ABCA4: variants seen among roughly 807,000 people sequenced by gnomAD.
ABCA4 encodes the protein ATP binding cassette subfamily A member 4.
ABCA4 carries 196 observed loss-of-function variants against 263.7 expected under a neutral mutation model. The ratio of observed to expected loss-of-function variants is 0.74; its 90% confidence interval spans 0.66 to 0.84. The LOEUF (loss-of-function observed/expected upper bound fraction) is 0.84, where lower values mean the gene tolerates loss of function less well. ABCA4 is among the 40% of genes least tolerant of loss of function. The pLI is 0.00. For synonymous variants in ABCA4, 1,133 were observed against 1,094.2 expected (o/e 1.04, Z -0.70); for missense variants, 2,792 against 2,855.1 (o/e 0.98, Z 0.50).
At chr1:94,011,536 G>T (rs1659548336) in intron 38 of ABCA4, 151 bp from the exon 39 acceptor site, 3 of 1,291,514 alleles carry the variant, frequency 2.3e-6, no homozygotes, top group Admixed American at 1.8e-5. Flanking sequence ...GGAGGGATTT[G>T]TCCAGCAGAG....
intron 4 of ABCA4, among the ~76,000 whole-genome samples, chr1:94,104,461 C>T (rs917355779): frequency 1.3e-5 from 2 of 152,338 alleles, no homozygotes; most frequent in Middle Eastern, 3.4e-3. Context: ...AAGAGGCCTG[C>T]CCCTGTGTGC....
At chr1:94,116,968 C>G (rs201011120) in intron 1 of ABCA4, among the ~76,000 whole-genome samples, 1,293 of 100,024 alleles carry the variant, frequency 0.013, 30 homozygotes, top group East Asian at 0.041. Flanking sequence ...TTCTTTCTTT[C>G]TCTTTCTTTC....
rs758705900 is a variant in ABCA4 at position 94,001,849 on chromosome 1, C to T, written c.6282+9G>A. 122 of 1,614,094 alleles carry T rather than the reference C, an allele frequency of 7.6e-5. No homozygotes were observed. The highest frequency in any genetic ancestry group is 9.7e-5 in the Non-Finnish European group (115 of 1,180,036). On this transcript the variant is annotated intron_variant, in intron 45 of 49. Transcript: ENST00000370225. ...TTAAGCCCTTGGTGCGGCCCAAGCC[C>T]GCAGTTACCAGCAGCACCAGCGGTG...
chr1:93,998,713 ATTTAT>A (rs374404349), intron 47 of ABCA4, among the ~76,000 whole-genome samples: 4,042 of 133,640 alleles, frequency 0.03, 67 homozygotes, highest in East Asian at 0.045. Flanking sequence ...ATTTTATTTT[ATTTAT>A]TTTATTTTAT....
At chr1:94,033,983 G>C (rs930238044) in intron 26 of ABCA4, among the ~76,000 whole-genome samples, 3 of 152,026 alleles carry the variant, frequency 2.0e-5, no homozygotes, top group African/African-American at 7.2e-5. Context: ...ATCCTGACTG[G>C]AGCCCACTGA....
intron 6 of ABCA4, among the ~76,000 whole-genome samples, chr1:94,091,158 G>A (rs759900666): frequency 6.6e-6 from 1 of 152,178 alleles, no homozygotes; most frequent in African/African-American, 2.4e-5. Context: ...GTATTTTTGT[G>A]TGGTTAATAC....
At chr1:94,009,394 A>C (rs1290159771) in intron 40 of ABCA4, among the ~76,000 whole-genome samples, 5 of 152,144 alleles carry the variant, frequency 3.3e-5, no homozygotes, top group African/African-American at 1.2e-4. Context: ...TCATGCCTCA[A>C]AACCTTCTGT....
intron 17 of ABCA4, among the ~76,000 whole-genome samples, chr1:94,049,519 G>C (rs1660777147): frequency 6.6e-6 from 1 of 152,140 alleles, no homozygotes; most frequent in Non-Finnish European, 1.5e-5. Context: ...AGCTACTTAG[G>C]AGGCTGAGGC....
chr1:94,094,158 C>T lies in ABCA4; in HGVS notation c.768+4636G>A, dbSNP rs139369867. Among the ~76,000 whole-genome samples the T allele has an allele frequency of 4.6e-3, 699 of 152,244 alleles. 8 individuals carry two copies. Among genetic ancestry groups the T allele is most frequent in the Non-Finnish European group, 7.5e-3 (513 of 68,018 alleles). ...TGTGGGGGCTTTCCCAGACACTTGA[C>T]GTAGCAATATCCACCCGAAAGTTGA... On this transcript the variant is annotated intron_variant, in intron 6 of 49. Coordinates refer to ENST00000370225, the MANE Select transcript of ABCA4 (RefSeq NM_000350.3).
intron 30 of ABCA4, among the ~76,000 whole-genome samples, chr1:94,028,930 A>AAAAAAAAATAAAAAC (rs35998587): frequency 9.3e-6 from 1 of 108,032 alleles, no homozygotes; most frequent in African/African-American, 3.8e-5. Flanking sequence ...AAAAAAAAAA[A>AAAAAAAAATAAAAAC]GAAATTCAAA....
intron 6 of ABCA4, among the ~76,000 whole-genome samples, chr1:94,090,091 G>C (rs1052887628): frequency 6.6e-6 from 1 of 152,064 alleles, no homozygotes. Flanking sequence ...GGCACATCTT[G>C]GGGATGTGGG....
In ABCA4 at chr1:94,025,027, T is replaced by C; in HGVS notation, c.4561A>G (p.Ile1521Val). The C allele has an allele frequency of 6.2e-7, 1 of 1,614,230 alleles. No homozygotes were observed. Among genetic ancestry groups the C allele is most frequent in the Non-Finnish European group, 8.5e-7 (1 of 1,180,038 alleles). ...TTCCTGTCCGTCAGGTCTTGTAGAA[T>C]TTCCGTGCTGCGCTGTGTTCTCTGA... ...PPQRTQRSTE[I>V]LQDLTDRNIS... Residue 1521 changes from isoleucine (I) to valine (V), a missense_variant, in exon 31 of 50, where the codon ATT becomes GTT. Coordinates refer to ENST00000370225, the MANE Select transcript of ABCA4 (RefSeq NM_000350.3).
intron 1 of ABCA4, among the ~76,000 whole-genome samples, chr1:94,120,691 G>T (rs948982120): frequency 2.0e-5 from 3 of 151,820 alleles, no homozygotes; most frequent in African/African-American, 7.2e-5. Context: ...GTGTAAAACG[G>T]GGGGTGGGGG....
Position 94,010,855 on chromosome 1 carries a change from C to T in ABCA4, c.5659G>A (p.Val1887Met), listed in dbSNP as rs764320529. The change falls in exon 40 of 50, where the codon GTG (valine) becomes ATG (methionine). Residue 1887 changes from valine to methionine, a missense_variant. Coordinates refer to ENST00000370225, the MANE Select transcript of ABCA4 (RefSeq NM_000350.3). ...KNLFAMVVEGVVYFLLTLLVQ... is the reference protein window; with the variant it reads ...KNLFAMVVEGMVYFLLTLLVQ... ...AGCAGGGTCAGGAGGAAGTACACCA[C>T]CCCTTCCACCACCATGGCAAACAGG... The T allele has an allele frequency of 6.8e-6, 11 of 1,613,992 alleles. No individual in the cohort carries two copies. In the Admixed American group the frequency reaches 1.3e-4, roughly 20 times the overall value.
At chr1:94,014,170 G>T (rs1659651454) in intron 38 of ABCA4, among the ~76,000 whole-genome samples, 1 of 151,694 alleles carries the variant, frequency 6.6e-6, no homozygotes, top group East Asian at 1.9e-4. Context: ...TGAAAAAGGT[G>T]CTTATAGGAA....
At chr1:93,996,247 C>A in intron 48 of ABCA4, 52 bp from the exon 49 acceptor site, 1 of 1,367,930 alleles carries the variant, frequency 7.3e-7, no homozygotes, top group African/African-American at 1.5e-5. Flanking sequence ...GAAAACAGCA[C>A]CCTACACCCA....
At chr1:94,059,707 G>C (rs1344504219) in intron 14 of ABCA4, 2 of 152,438 alleles carry the variant, frequency 1.3e-5, no homozygotes, top group African/African-American at 4.8e-5. Context: ...TCCATCTCAG[G>C]AGCCTGTAAA....
chr1:94,055,179 A>T lies in ABCA4; in HGVS notation c.2519T>A (p.Met840Lys), dbSNP rs1190288078. 4 of 1,614,100 alleles carry T rather than the reference A, an allele frequency of 2.5e-6. No homozygotes were observed. The highest frequency in any genetic ancestry group is 1.3e-5 in the African/African-American group (1 of 74,932). ...AGCAGCATCAAGGAGCATCATCTGC[A>T]TGGACAGCAGGAAGCTGAATTCGTC... The part of the protein sequence containing the change: ...EGDEFSFLLS[M>K]QMMLLDAAVY... Residue 840 changes from methionine (M) to lysine (K), a missense_variant, in exon 16 of 50, where the codon ATG becomes AAG. Coordinates refer to ENST00000370225, the MANE Select transcript of ABCA4 (RefSeq NM_000350.3).
rs113569660 is a variant in ABCA4 at position 93,997,568 on chromosome 1, A to G, written c.6729+293T>C. ...TTCATCGTATGTTAATTACACATCAATAAAGCTGATTTGAAGGAAAAACCA... is the reference window on the plus strand; with the variant it reads ...TTCATCGTATGTTAATTACACATCAGTAAAGCTGATTTGAAGGAAAAACCA... On this transcript the variant is annotated intron_variant, in intron 48 of 49. Transcript: ENST00000370225. Among the ~76,000 whole-genome samples, 500 of 152,218 alleles carry G rather than the reference A, an allele frequency of 3.3e-3. 4 individuals are homozygous for G. Among genetic ancestry groups the G allele is most frequent in the African/African-American group, 0.011 (473 of 41,520 alleles).
Sources: gnomAD v4.1 joint callset for allele counts (sites outside exome capture counted in the v4.1 genomes callset) on GRCh38, gnomAD v4.1.1 for gene constraint, MANE v1.5 for transcripts, NCBI Gene and HGNC (gene_info 2026-07-23, HGNC 2026-07-21) for gene names.